The following PROM1 variants were observed in gnomAD, a reference collection of about 807,000 sequenced individuals.
PROM1 encodes prominin-1.
Under a neutral mutation model 116.9 loss-of-function variants are expected in PROM1, and 105 were observed. The observed-to-expected ratio is 0.90, with a 90% CI of 0.77 to 1.06. PROM1 has a LOEUF of 1.06. Among genes scored for constraint, PROM1 ranks in the 50% least tolerant of loss-of-function variants. PROM1 has a pLI of 0.00. For synonymous variants in PROM1, 393 were observed against 387.0 expected (o/e 1.02, Z -0.18); for missense variants, 1,122 against 1,045.2 (o/e 1.07, Z -1.01).
chr4:16,024,713 A>ATG (rs896154929), intron 6 of PROM1, among the ~76,000 whole-genome samples: 12 of 150,982 alleles, frequency 7.9e-5, no homozygotes, highest in East Asian at 5.8e-4. Context: ...GTGTGTGTGT[A>ATG]TGTGTGTGTG....
intron 2 of PROM1, among the ~76,000 whole-genome samples, chr4:16,073,585 C>T (rs550294541): frequency 6.6e-6 from 1 of 152,172 alleles, no homozygotes; most frequent in African/African-American, 2.4e-5. Context: ...TATTATATTA[C>T]TTAAGCAACC....
rs1743898495 is a variant in PROM1, at chr4:16,076,106, C to A, written c.-200G>T. ...ATGTTCTCCAAGGGGGTCATTCACT[C>A]AAGGCACCATCCCTGGCAGGGAGAG... On this transcript the variant is annotated 5_prime_UTR_variant, in exon 2 of 28. An upstream open reading frame in the 5' UTR loses its in-frame stop. Transcript: ENST00000447510. The A allele has an allele frequency of 1.8e-6, 2 of 1,093,156 alleles. No homozygotes were observed. The highest frequency in any genetic ancestry group is 2.6e-5 in the East Asian group (1 of 37,884). The allele number at this position is 1,093,156 out of a possible 1,614,324, so 67.7% of individuals were successfully genotyped here.
At chr4:16,063,109 GAACCTGAATCTGATCTCTAT>G (rs1740728834) in intron 2 of PROM1, among the ~76,000 whole-genome samples, 1 of 152,128 alleles carries the variant, frequency 6.6e-6, no homozygotes, top group Non-Finnish European at 1.5e-5. Flanking sequence ...CCCCCAAAAT[GAACCTGAATCTGATCTCTAT>G]AAGTACTAGT....
chr4:15,991,934 CAAAAAAAAAAA>C (rs56221717), intron 17 of PROM1, among the ~76,000 whole-genome samples: 2 of 55,322 alleles, frequency 3.6e-5, no homozygotes, highest in East Asian at 6.3e-4. Context: ...GACTCCGTCT[CAAAAAAAAAAA>C]AAAAAAAAAA....
At chr4:16,069,353 G>T (rs1742287795) in intron 2 of PROM1, among the ~76,000 whole-genome samples, 1 of 152,220 alleles carries the variant, frequency 6.6e-6, no homozygotes, top group African/African-American at 2.4e-5. Context: ...GAATAGCTCA[G>T]ATCTGGTCAG....
At chr4:15,980,221 G>GA (rs1717402831) in intron 24 of PROM1, 1 of 559,058 alleles carries the variant, frequency 1.8e-6, no homozygotes, top group Non-Finnish European at 3.1e-6. Context: ...TAAGCAAGAG[G>GA]AAAAAAGTAG....
In PROM1 at chr4:16,006,706, C is replaced by T. The variant is rs1172545141; in HGVS notation, c.1302-16G>A. ...ACCCAGCCACCTGGAGAGGCAAGCACAGTGTTAGTATACATGACACAGGTG... is the reference window on the plus strand; with the variant it reads ...ACCCAGCCACCTGGAGAGGCAAGCATAGTGTTAGTATACATGACACAGGTG... On this transcript the variant is annotated splice_polypyrimidine_tract_variant and intron_variant, in intron 12 of 27. Transcript: ENST00000447510. The T allele has an allele frequency of 1.2e-6, 2 of 1,611,794 alleles. No homozygotes were observed. The highest frequency in any genetic ancestry group is 8.5e-7 in the Non-Finnish European group (1 of 1,179,124).
chr4:15,996,775 G>C (rs1722428818), intron 15 of PROM1, among the ~76,000 whole-genome samples: 1 of 152,148 alleles, frequency 6.6e-6, no homozygotes, highest in Admixed American at 6.5e-5. Flanking sequence ...GCTAGGCATA[G>C]GGTTAATACT....
chr4:15,998,776 C>T (rs1400423428), intron 14 of PROM1, among the ~76,000 whole-genome samples: 3 of 151,850 alleles, frequency 2.0e-5, no homozygotes, highest in Non-Finnish European at 2.9e-5. Flanking sequence ...AGCGCAGTGG[C>T]GCGATCTCAG....
At chr4:16,048,402 C>T (rs1192564011) in intron 2 of PROM1, among the ~76,000 whole-genome samples, 1 of 152,166 alleles carries the variant, frequency 6.6e-6, no homozygotes, top group Non-Finnish European at 1.5e-5. Flanking sequence ...AGAGCACTTT[C>T]GTTAAACCCT....
chr4:16,045,168 C>T (rs1448382527), intron 2 of PROM1, among the ~76,000 whole-genome samples: 1 of 152,156 alleles, frequency 6.6e-6, no homozygotes, highest in African/African-American at 2.4e-5. Context: ...CCTTGACCCA[C>T]AGCCCGACTC....
intron 26 of PROM1, among the ~76,000 whole-genome samples, chr4:15,975,274 C>T (rs954988779): frequency 6.6e-6 from 1 of 152,118 alleles, no homozygotes. Flanking sequence ...GGATGGAGTG[C>T]GGTGGTGCAA....
At chr4:16,065,966 C>A (rs891789619) in intron 2 of PROM1, among the ~76,000 whole-genome samples, 1 of 152,140 alleles carries the variant, frequency 6.6e-6, no homozygotes, top group Admixed American at 6.5e-5. Context: ...AAGGAAGAGA[C>A]TCAGAGATGG....
intron 5 of PROM1, among the ~76,000 whole-genome samples, 155 bp from the exon 6 acceptor site, chr4:16,025,467 C>G (rs561343448): frequency 1.1e-4 from 17 of 152,324 alleles, no homozygotes; most frequent in Non-Finnish European, 2.4e-4. Flanking sequence ...CTTCCCACCG[C>G]CATCCCACAG....
At chr4:16,054,381 G>C (rs1738516014) in intron 2 of PROM1, among the ~76,000 whole-genome samples, 1 of 152,120 alleles carries the variant, frequency 6.6e-6, no homozygotes, top group African/African-American at 2.4e-5. Flanking sequence ...TGGAGTCAGA[G>C]TGACCAAACA....
At chr4:16,073,187 C>T (rs564794371) in intron 2 of PROM1, among the ~76,000 whole-genome samples, 3 of 152,170 alleles carry the variant, frequency 2.0e-5, no homozygotes, top group East Asian at 1.9e-4. Context: ...CAGTTGCACG[C>T]TTTCAAATGA....
chr4:16,003,756 A>G (rs1724486195), intron 13 of PROM1, among the ~76,000 whole-genome samples: 1 of 152,182 alleles, frequency 6.6e-6, no homozygotes, highest in Non-Finnish European at 1.5e-5. Flanking sequence ...TTCAAGACCA[A>G]TCTGGGCAAC....
chr4:16,071,889 T>TCC (rs998136071), intron 2 of PROM1, among the ~76,000 whole-genome samples: 1 of 152,176 alleles, frequency 6.6e-6, no homozygotes, highest in Non-Finnish European at 1.5e-5. Flanking sequence ...GAACACCCTG[T>TCC]CCCTAACTTC....
intron 1 of PROM1, among the ~76,000 whole-genome samples, chr4:16,081,077 A>G (rs1158430119): frequency 1.3e-5 from 2 of 150,882 alleles, no homozygotes; most frequent in African/African-American, 4.9e-5. Context: ...ATATTTTTTT[A>G]TTATACTTTA....
Sources: gnomAD v4.1 joint callset for allele counts (sites outside exome capture counted in the v4.1 genomes callset) on GRCh38, gnomAD v4.1.1 for gene constraint, MANE v1.5 for transcripts, NCBI Gene and HGNC (gene_info 2026-07-23, HGNC 2026-07-21) for gene names.